LRFN5: variants seen among roughly 807,000 people sequenced by gnomAD.
LRFN5 encodes leucine rich repeat and fibronectin type III domain containing 5.
Under a neutral mutation model 45.6 loss-of-function variants are expected in LRFN5, and 24 were observed. The ratio of observed to expected loss-of-function variants is 0.53; its 90% CI spans 0.38 to 0.74. The LOEUF is 0.74. LRFN5 is among the 30% of genes least tolerant of loss of function. The pLI, the probability that LRFN5 is intolerant of heterozygous loss-of-function variation, is 0.00. For synonymous variants in LRFN5, 340 were observed against 313.8 expected (o/e 1.08, Z -0.88); for missense variants, 776 against 861.5 (o/e 0.90, Z 1.24).
intron 1 of LRFN5, among the ~76,000 whole-genome samples, chr14:41,642,164 A>G (rs1339227304): frequency 6.6e-6 from 1 of 152,190 alleles, no homozygotes; most frequent in Non-Finnish European, 1.5e-5. Context: ...AAGAGCTAAC[A>G]GATTAACCAA....
At chr14:41,731,421 C>T (rs905751464) in intron 1 of LRFN5, 3 of 152,032 alleles carry the variant, frequency 2.0e-5, no homozygotes, top group Non-Finnish European at 4.4e-5. Flanking sequence ...CTGATATTAT[C>T]TTATTTAATT....
chr14:41,674,499 G>T (rs565490250), intron 1 of LRFN5, among the ~76,000 whole-genome samples: 3 of 146,410 alleles, frequency 2.0e-5, no homozygotes, highest in Admixed American at 6.7e-5. Context: ...CTGGCCGGGC[G>T]GGGGGCTGAC....
chr14:41,805,350 T>A (rs1887482496), intron 2 of LRFN5, among the ~76,000 whole-genome samples: 1 of 150,540 alleles, frequency 6.6e-6, no homozygotes, highest in African/African-American at 2.4e-5. Flanking sequence ...TAATTGGAAG[T>A]TCTCACAAAA....
rs184154259 is a variant in LRFN5, at chr14:41,739,372, C to A, written c.-196-27482C>A. On this transcript the variant is annotated intron_variant, in intron 1 of 5. Coordinates refer to ENST00000298119, the MANE Select transcript of LRFN5 (RefSeq NM_152447.5). ...TGCACTCCAGCCTGAGTGGCAGAGC[C>A]AGACATTGTGTCAATCATCATCATC... 5.2e-4 allele frequency among the ~76,000 whole-genome samples: 77 copies of A among 148,374 alleles called. No homozygotes were observed. In the East Asian group the frequency reaches 0.015, roughly 28 times the overall value.
At chr14:41,613,474 A>G (rs992262079) in intron 1 of LRFN5, among the ~76,000 whole-genome samples, 3 of 152,032 alleles carry the variant, frequency 2.0e-5, no homozygotes, top group African/African-American at 7.2e-5. Flanking sequence ...ATCAAAACTC[A>G]AAGCTCACAC....
intron 2 of LRFN5, among the ~76,000 whole-genome samples, chr14:41,873,413 GAGAGAC>G (rs959407702): frequency 6.6e-5 from 6 of 90,236 alleles, no homozygotes; most frequent in African/African-American, 2.1e-4. Flanking sequence ...GAAAGAGAGA[GAGAGAC>G]AGAGAGAGAG....
intron 1 of LRFN5, among the ~76,000 whole-genome samples, chr14:41,685,245 A>C (rs1008714730): frequency 3.9e-5 from 6 of 152,138 alleles, no homozygotes; most frequent in African/African-American, 9.7e-5. Flanking sequence ...GAGGTTCCCC[A>C]AAAAAACTAA....
intron 4 of LRFN5, chr14:41,894,178 T>A: frequency 1.0e-6 from 1 of 985,238 alleles, no homozygotes; most frequent in Non-Finnish European, 1.2e-6. Flanking sequence ...AAGGTTGTGA[T>A]CAAAGATAAG....
chr14:41,715,296 T>C (rs1056298338), intron 1 of LRFN5, among the ~76,000 whole-genome samples: 1 of 152,156 alleles, frequency 6.6e-6, no homozygotes, highest in Non-Finnish European at 1.5e-5. Flanking sequence ...CTTATATCCT[T>C]CCTTTGTATT....
At chr14:41,759,276 G>C (rs796933641) in intron 1 of LRFN5, among the ~76,000 whole-genome samples, 3 of 152,046 alleles carry the variant, frequency 2.0e-5, no homozygotes, top group Admixed American at 6.5e-5. Flanking sequence ...TACTCCATGT[G>C]GTCCTTAGTT....
chr14:41,857,343 TC>T (rs1384313016), intron 2 of LRFN5, among the ~76,000 whole-genome samples: 5 of 152,154 alleles, frequency 3.3e-5, no homozygotes, highest in African/African-American at 1.2e-4. Flanking sequence ...TAATACTGTT[TC>T]CCTGGAAACA....
intron 2 of LRFN5, among the ~76,000 whole-genome samples, chr14:41,794,652 G>A (rs1435612959): frequency 2.0e-5 from 3 of 151,994 alleles, no homozygotes; most frequent in Non-Finnish European, 2.9e-5. Flanking sequence ...ATAAGTGAAG[G>A]TACCTTTCTT....
chr14:41,811,939 T>A (rs984714610), intron 2 of LRFN5, among the ~76,000 whole-genome samples: 3 of 152,156 alleles, frequency 2.0e-5, no homozygotes, highest in African/African-American at 7.2e-5. Flanking sequence ...GATTTATATT[T>A]CAATAAATCT....
At chr14:41,872,233 A>G (rs936138233) in intron 2 of LRFN5, among the ~76,000 whole-genome samples, 1 of 152,232 alleles carries the variant, frequency 6.6e-6, no homozygotes, top group Non-Finnish European at 1.5e-5. Context: ...TATGGCTATG[A>G]CTAATCACTA....
chr14:41,886,019 C>CAAAAAAAAA (rs35648547), intron 2 of LRFN5, among the ~76,000 whole-genome samples: 3 of 88,778 alleles, frequency 3.4e-5, no homozygotes, highest in African/African-American at 1.4e-4. Context: ...AGGCTCGTCT[C>CAAAAAAAAA]AAAAAAAAAA....
chr14:41,774,754 T>C (rs1886216185), intron 2 of LRFN5, among the ~76,000 whole-genome samples: 1 of 152,176 alleles, frequency 6.6e-6, no homozygotes, highest in Non-Finnish European at 1.5e-5. Flanking sequence ...AGTTAGAATA[T>C]TTAAGAATCC....
intron 1 of LRFN5, among the ~76,000 whole-genome samples, chr14:41,647,115 A>C (rs1233425498): frequency 6.6e-6 from 1 of 152,126 alleles, no homozygotes; most frequent in Non-Finnish European, 1.5e-5. Flanking sequence ...AGTTCCCCTG[A>C]TGTTTATATT....
Position 41,751,513 on chromosome 14 carries a change from CTT to C in LRFN5, c.-196-15340_-196-15339del, listed in dbSNP as rs1399036052. On this transcript the variant is annotated intron_variant, in intron 1 of 5. Transcript: ENST00000298119. ...CAAGGAGATGAGATAAATATTCACA[CTT>C]ATATTTAGTTTTAAATGTTTATCAC... is the stretch of plus-strand genomic sequence containing the variant. Among the ~76,000 whole-genome samples the C allele has an allele frequency of 3.9e-5, 6 of 152,120 alleles. 1 individual carries two copies. Among genetic ancestry groups the C allele is most frequent in the African/African-American group, 1.4e-4 (6 of 41,482 alleles).
chr14:41,893,705 A>C (rs1401292392), intron 4 of LRFN5: 3 of 985,230 alleles, frequency 3.0e-6, no homozygotes, highest in Non-Finnish European at 3.6e-6. Flanking sequence ...GCCATTCAAT[A>C]GTATGTAAGA....
Sources: allele counts gnomAD v4.1 joint callset (sites outside exome capture counted in the v4.1 genomes callset), GRCh38; gene constraint gnomAD v4.1.1; transcripts MANE v1.5; gene names NCBI Gene and HGNC (gene_info 2026-07-23, HGNC 2026-07-21).